The following SPG11 variants were observed in gnomAD, a reference collection of about 807,000 sequenced individuals.
SPG11 encodes the protein spatacsin.
SPG11 carries 222 observed loss-of-function variants against 274.0 expected under a neutral mutation model. The ratio of observed to expected loss-of-function variants is 0.81; its 90% CI spans 0.73 to 0.91. The LOEUF is 0.91. Among genes scored for constraint, SPG11 ranks in the 40% least tolerant of loss-of-function variants. SPG11 has a pLI of 0.00. For synonymous variants in SPG11, 1,144 were observed against 1,039.7 expected (o/e 1.10, Z -1.93); for missense variants, 3,114 against 2,872.7 (o/e 1.08, Z -1.92).
intron 33 of SPG11, among the ~76,000 whole-genome samples, chr15:44,572,288 G>A (rs2082439852): frequency 6.6e-6 from 1 of 152,190 alleles, no homozygotes; most frequent in Admixed American, 6.5e-5. Flanking sequence ...CCTATAATGA[G>A]TTAGACATTA....
rs1555455494 is a variant in SPG11, at chr15:44,621,673, A to C, written c.2620+86T>G. On this transcript the variant is annotated intron_variant, in intron 14 of 39. Transcript: ENST00000261866. Reference sequence around the variant, plus strand: ...ATTATTTCCCGAAAGGAATTCTAAAATTGAGACACATCAAAATATTCAAAT... The same window carrying C: ...ATTATTTCCCGAAAGGAATTCTAAACTTGAGACACATCAAAATATTCAAAT... 1.4e-5 allele frequency: 18 copies of C among 1,317,946 alleles called. No individual in the cohort carries two copies. The East Asian group carries it at 4.2e-4, about 30-fold the overall frequency. The allele number at this position is 1,317,946 out of a possible 1,614,324, so 81.6% of individuals were successfully genotyped here. A position where few individuals can be genotyped will look rare whatever the true frequency, so the allele number is the denominator to read the frequency against.
chr15:44,589,492 C>G lies in SPG11; in HGVS notation c.4744-78G>C, dbSNP rs142283164. On this transcript the variant is annotated intron_variant, in intron 27 of 39. Transcript: ENST00000261866. ...TCAAAACCTCCAAATCTGGGAACCT[C>G]TAAGAAAGCTAAAATTCCCTCAAAA... 4.2e-5 allele frequency: 66 copies of G among 1,559,874 alleles called. 1 individual carries two copies. In the East Asian group the frequency reaches 1.5e-3, roughly 35 times the overall value.
chr15:44,652,081 T>C (rs2084798876), intron 5 of SPG11, 48 bp downstream of exon 5: 4 of 1,609,922 alleles, frequency 2.5e-6, no homozygotes, highest in Non-Finnish European at 3.4e-6. Context: ...AGCGTCAGCA[T>C]GATAAAAAAT....
At chr15:44,607,676 T>G (rs1278524439) in intron 19 of SPG11, among the ~76,000 whole-genome samples, 2 of 152,208 alleles carry the variant, frequency 1.3e-5, no homozygotes, top group Non-Finnish European at 2.9e-5. Flanking sequence ...CAAAGGAAGG[T>G]GTTCTTAACC....
At position 44,600,712 on chromosome 15, in the gene SPG11, G is replaced by A. The variant is rs2083163993; in HGVS notation, c.3521-80C>T. 1.3e-5 allele frequency: 18 copies of A among 1,434,234 alleles called. No individual in the cohort carries two copies. In the South Asian group the frequency reaches 2.1e-4, roughly 17 times the overall value. 88.8% of individuals were successfully genotyped at this position (1,434,234 alleles called of 1,614,324 possible). ...AGATTTGCACATGGAACTCTCTAAT[G>A]ATAAAACTGGTTGCTGTAATTATTT... On this transcript the variant is annotated intron_variant, in intron 20 of 39. Coordinates refer to ENST00000261866, the MANE Select transcript of SPG11 (RefSeq NM_025137.4).
At chr15:44,586,714 C>T (rs2082773213) in intron 28 of SPG11, among the ~76,000 whole-genome samples, 1 of 152,098 alleles carries the variant, frequency 6.6e-6, no homozygotes. Flanking sequence ...ATATACAGGG[C>T]AGAGGTTGGT....
rs541305080 is a variant in SPG11, at chr15:44,628,538, G to A, written c.2067+131C>T. 2,157 of 869,158 alleles carry A rather than the reference G, an allele frequency of 2.5e-3. 56 individuals carry two copies. In the South Asian group the frequency reaches 0.028, roughly 11 times the overall value. The allele number at this position is 869,158 out of a possible 1,614,324, so 53.8% of individuals were successfully genotyped here. A position where few individuals can be genotyped will look rare whatever the true frequency, so the allele number is the denominator to read the frequency against. Reference sequence around the variant, plus strand: ...AGTCATAATCAGAAATCCCCAAACCGATAAAACCTAAAACCTTTGCCAAAC... The same window carrying A: ...AGTCATAATCAGAAATCCCCAAACCAATAAAACCTAAAACCTTTGCCAAAC... On this transcript the variant is annotated intron_variant, in intron 10 of 39. Transcript: ENST00000261866.
chr15:44,618,588 CG>C (rs1032386702), intron 15 of SPG11, among the ~76,000 whole-genome samples: 9 of 149,198 alleles, frequency 6.0e-5, no homozygotes, highest in Admixed American at 1.3e-4. Flanking sequence ...GAGGCCGAGG[CG>C]GGCAGAACAC....
At chr15:44,632,135 A>T (rs1166366419) in intron 8 of SPG11, among the ~76,000 whole-genome samples, 1 of 152,110 alleles carries the variant, frequency 6.6e-6, no homozygotes, top group African/African-American at 2.4e-5. Context: ...CATAAGGATT[A>T]TATCAGAGGA....
intron 28 of SPG11, among the ~76,000 whole-genome samples, chr15:44,586,624 A>AT (rs1464380060): frequency 6.6e-6 from 1 of 152,128 alleles, no homozygotes; most frequent in Non-Finnish European, 1.5e-5. Flanking sequence ...AGCCTGGGCA[A>AT]TAGAGTGAGA....
intron 28 of SPG11, among the ~76,000 whole-genome samples, chr15:44,586,066 C>T (rs2082758415): frequency 7.0e-6 from 1 of 142,688 alleles, no homozygotes; most frequent in South Asian, 2.2e-4. Context: ...CTCGCTGCAA[C>T]CTGCACCTCC....
chr15:44,577,292 T>G (rs1302140893), intron 30 of SPG11, among the ~76,000 whole-genome samples: 1 of 151,900 alleles, frequency 6.6e-6, no homozygotes, highest in African/African-American at 2.4e-5. Context: ...CCCTGGAGCC[T>G]AGGAGTTTGA....
chr15:44,649,788 G>C (rs191452000), intron 6 of SPG11, among the ~76,000 whole-genome samples: 4 of 151,842 alleles, frequency 2.6e-5, no homozygotes, highest in African/African-American at 9.7e-5. Context: ...CCAGCTACTC[G>C]GGAGGGTGAG....
chr15:44,648,895 T>G lies in SPG11; in HGVS notation c.1573A>C (p.Arg525=), dbSNP rs747090735. ...AGTGCATGTATGGGAATTGAGCACC[T>G]TCCCCAGCCATTGAGATGACAAAGA... ...DTLCHLNGWG[R]CSIPIHALEA... The change falls in exon 7 of 40, where the codon AGG becomes CGG. Residue 525 remains arginine (R), a synonymous_variant. Transcript: ENST00000261866. The G allele has an allele frequency of 1.2e-6, 2 of 1,614,150 alleles. No individual in the cohort carries two copies.
In SPG11 at chr15:44,570,628, C is replaced by A. The variant is rs1333565175; in HGVS notation, c.6374G>T (p.Cys2125Phe). 6.2e-7 allele frequency: 1 copy of A among 1,613,938 alleles called. No homozygotes were observed. The highest frequency in any genetic ancestry group is 8.5e-7 in the Non-Finnish European group (1 of 1,179,986). Residue 2125 changes from cysteine (C) to phenylalanine (F), a missense_variant, in exon 34 of 40, where the codon TGC becomes TTC. By Grantham distance (205) the Cys-to-Phe change is radical (BLOSUM62 -2). Transcript: ENST00000261866. ...CTCCATGTGGCACGTCAGGGTGAAG[C>A]AATGATGGGCCAGGATCAGGAGCTC... Reference protein sequence around the residue: ...TTELLILAHHCFTLTCHMEGI... With the variant: ...TTELLILAHHFFTLTCHMEGI...
chr15:44,663,652 G>T lies in SPG11; in HGVS notation c.-5C>A, dbSNP rs751264875. The T allele has an allele frequency of 1.3e-6, 2 of 1,590,510 alleles. No homozygotes were observed. Among genetic ancestry groups the T allele is most frequent in the Non-Finnish European group, 8.5e-7 (1 of 1,174,914 alleles). On this transcript the variant is annotated 5_prime_UTR_variant, in exon 1 of 40. Coordinates refer to ENST00000261866, the MANE Select transcript of SPG11 (RefSeq NM_025137.4). The stretch of plus-strand genomic sequence containing the variant: ...GACCCCTTCCTCTGCAGCCATCTTG[G>T]CCCGGCGGTTACTTCCGGTCACTTT...
Position 44,649,331 on chromosome 15 carries a change from T to C in SPG11, c.1457-320A>G, listed in dbSNP as rs190879397. On this transcript the variant is annotated intron_variant, in intron 6 of 39. Transcript: ENST00000261866. ...CTCCCACCTCAGCCTCTGGAGTTGC[T>C]GGAATTACAGTTTCATGCCATCACA... 1.6e-3 allele frequency among the ~76,000 whole-genome samples: 251 copies of C among 152,266 alleles called. 1 individual carries two copies. The highest frequency in any genetic ancestry group is 5.7e-3 in the African/African-American group (236 of 41,550).
Position 44,658,649 on chromosome 15 carries a change from C to T in SPG11, c.667+430G>A, listed in dbSNP as rs373346238. On this transcript the variant is annotated intron_variant, in intron 3 of 39. Transcript: ENST00000261866. ...AATTTTTTTGTATTTTTAGCAGAGA[C>T]GGGGTTTCACCATATTGGCCAGGCT... Among the ~76,000 whole-genome samples, 4 of 152,046 alleles carry T rather than the reference C, an allele frequency of 2.6e-5. No homozygotes were observed. In the East Asian group the frequency reaches 7.7e-4, roughly 29 times the overall value.
rs899856094 is a variant in SPG11, at chr15:44,562,919, A to ACAAT, written c.*198_*201dup. 1.7e-6 allele frequency: 1 copy of ACAAT among 576,584 alleles called. No individual in the cohort carries two copies. The highest frequency in any genetic ancestry group is 2.1e-5 in the South Asian group (1 of 48,332). The allele number at this position is 576,584 out of a possible 1,614,324, so 35.7% of individuals were successfully genotyped here. A position where few individuals can be genotyped will look rare whatever the true frequency, so the allele number is the denominator to read the frequency against. ...TATCTATATAAAATGGTGTGGATGA[A>ACAAT]CAATCATCTAAAATCAATCTATTTT... On this transcript the variant is annotated 3_prime_UTR_variant, in exon 40 of 40. Transcript: ENST00000261866.
Sources: allele counts gnomAD v4.1 joint callset (sites outside exome capture counted in the v4.1 genomes callset), GRCh38; gene constraint gnomAD v4.1.1; transcripts MANE v1.5; gene names NCBI Gene and HGNC (gene_info 2026-07-23, HGNC 2026-07-21).